The following MIPOL1 variants were observed in gnomAD, a reference collection of about 807,000 sequenced individuals.
MIPOL1 encodes the protein mirror-image polydactyly gene 1 protein.
A neutral mutation model predicts 60.9 loss-of-function variants in MIPOL1; 57 were observed. The observed-to-expected ratio is 0.94, with a 90% CI of 0.76 to 1.17. The LOEUF is 1.17. Among genes scored for constraint, MIPOL1 ranks in the 50% most tolerant of loss-of-function variants. MIPOL1 has a pLI of 0.00. For synonymous variants in MIPOL1, 179 were observed against 168.8 expected (o/e 1.06, Z -0.47); for missense variants, 551 against 511.6 (o/e 1.08, Z -0.74).
chr14:37,356,781 G>A (rs1011550970), intron 9 of MIPOL1, among the ~76,000 whole-genome samples: 4 of 152,120 alleles, frequency 2.6e-5, no homozygotes, highest in Non-Finnish European at 4.4e-5. Flanking sequence ...CACGGTGCGC[G>A]AACCCACTGA....
intron 11 of MIPOL1, among the ~76,000 whole-genome samples, chr14:37,446,139 C>G (rs149274731): frequency 0.058 from 8,813 of 152,140 alleles, 894 homozygotes; most frequent in African/African-American, 0.2. Context: ...AACAGGCAAC[C>G]TACAAAATGG....
At chr14:37,455,250 TTC>T (rs772134984) in intron 11 of MIPOL1, among the ~76,000 whole-genome samples, 5 of 152,224 alleles carry the variant, frequency 3.3e-5, no homozygotes, top group Non-Finnish European at 7.3e-5. Flanking sequence ...TGAATATGTT[TTC>T]TCTTTTAATC....
At chr14:37,401,415 A>G (rs1451925927) in intron 10 of MIPOL1, 1 of 152,088 alleles carries the variant, frequency 6.6e-6, no homozygotes, top group African/African-American at 2.4e-5. Flanking sequence ...ATATCTGTAC[A>G]CTAATGGTGA....
chr14:37,284,176 C>G (rs2084356763), intron 6 of MIPOL1, among the ~76,000 whole-genome samples: 1 of 152,028 alleles, frequency 6.6e-6, no homozygotes, highest in African/African-American at 2.4e-5. Context: ...ATCAACAGTG[C>G]CCCCTGCTCT....
At chr14:37,272,749 A>G (rs2083383707) in intron 6 of MIPOL1, among the ~76,000 whole-genome samples, 1 of 151,612 alleles carries the variant, frequency 6.6e-6, no homozygotes, top group Admixed American at 6.6e-5. Flanking sequence ...TTTGAAATAA[A>G]AAGTGTATTT....
intron 10 of MIPOL1, among the ~76,000 whole-genome samples, chr14:37,420,071 T>TA (rs1396355410): frequency 1.3e-5 from 2 of 151,592 alleles, no homozygotes; most frequent in African/African-American, 4.9e-5. Flanking sequence ...ATTTTTTTTT[T>TA]ATGTGACGCA....
At chr14:37,312,980 TA>T (rs2087497056) in intron 9 of MIPOL1, among the ~76,000 whole-genome samples, 1 of 152,172 alleles carries the variant, frequency 6.6e-6, no homozygotes, top group Non-Finnish European at 1.5e-5. Flanking sequence ...TATAGAATTA[TA>T]GAATTTTAAA....
chr14:37,524,565 C>CTTTTTTTT (rs1173993657), intron 12 of MIPOL1, among the ~76,000 whole-genome samples: 12 of 124,820 alleles, frequency 9.6e-5, no homozygotes, highest in African/African-American at 3.7e-4. Context: ...TTTTCTTTTT[C>CTTTTTTTT]TTTTCTTTTT....
chr14:37,446,274 G>A (rs1015503207), intron 11 of MIPOL1, among the ~76,000 whole-genome samples: 14 of 152,254 alleles, frequency 9.2e-5, no homozygotes, highest in African/African-American at 2.2e-4. Flanking sequence ...GATATGAACA[G>A]ACACTTCTCA....
At chr14:37,358,827 CTTTAG>C (rs1331595818) in intron 9 of MIPOL1, among the ~76,000 whole-genome samples, 2 of 152,264 alleles carry the variant, frequency 1.3e-5, no homozygotes, top group East Asian at 3.9e-4. Context: ...TGCAGAAGCT[CTTTAG>C]TTTAATCAGA....
intron 10 of MIPOL1, among the ~76,000 whole-genome samples, chr14:37,421,178 T>C (rs942726142): frequency 6.6e-6 from 1 of 152,178 alleles, no homozygotes; most frequent in Non-Finnish European, 1.5e-5. Context: ...AAAAACTACA[T>C]TTCAGTGTTT....
At chr14:37,459,756 A>T (rs1320680335) in intron 11 of MIPOL1, among the ~76,000 whole-genome samples, 1 of 152,132 alleles carries the variant, frequency 6.6e-6, no homozygotes, top group African/African-American at 2.4e-5. Flanking sequence ...AAAAGCATAG[A>T]TGTAAAAATC....
At chr14:37,482,060 G>GA in intron 11 of MIPOL1, among the ~76,000 whole-genome samples, 1 of 151,616 alleles carries the variant, frequency 6.6e-6, no homozygotes, top group East Asian at 1.9e-4. Context: ...GGCAACAAAA[G>GA]AAAAAAATAG....
chr14:37,406,016 A>G (rs900967463), intron 10 of MIPOL1, among the ~76,000 whole-genome samples: 2 of 151,212 alleles, frequency 1.3e-5, no homozygotes, highest in African/African-American at 2.4e-5. Flanking sequence ...ATGTGTTTGT[A>G]TTAATTAAAG....
intron 11 of MIPOL1, among the ~76,000 whole-genome samples, chr14:37,467,284 A>G (rs1955934): frequency 0.74 from 111,884 of 152,146 alleles, 41,308 homozygotes; most frequent in East Asian, 0.85. Context: ...GAAAAATATA[A>G]TGAAATAAAT....
rs542169839 is a variant in MIPOL1, at chr14:37,241,361, T to A, written c.-198-5742T>A. The stretch of plus-strand genomic sequence containing the variant: ...ATGTTAATCTCATCCAGAAACAACC[T>A]CACAGACACACCTAGAATAATGCTT... On this transcript the variant is annotated intron_variant, in intron 1 of 12. Coordinates refer to ENST00000684589, the MANE Select transcript of MIPOL1 (RefSeq NM_001388067.1). 4.6e-5 allele frequency among the ~76,000 whole-genome samples: 7 copies of A among 152,124 alleles called. No individual in the cohort carries two copies. In the East Asian group the frequency reaches 1.4e-3, roughly 29 times the overall value.
chr14:37,499,093 A>T (rs1566722825), intron 11 of MIPOL1, among the ~76,000 whole-genome samples: 1 of 152,088 alleles, frequency 6.6e-6, no homozygotes, highest in Non-Finnish European at 1.5e-5. Context: ...GTGGAGTTTA[A>T]ATTTCTCTTA....
chr14:37,341,660 G>A (rs1012416492), intron 9 of MIPOL1, among the ~76,000 whole-genome samples: 3 of 152,124 alleles, frequency 2.0e-5, no homozygotes, highest in African/African-American at 7.2e-5. Context: ...GCCCAAGCTG[G>A]TTTTGGATAC....
intron 3 of MIPOL1, among the ~76,000 whole-genome samples, chr14:37,258,251 A>G (rs1594772346): frequency 2.0e-5 from 3 of 152,244 alleles, no homozygotes; most frequent in East Asian, 1.9e-4. Context: ...TTATTATTGG[A>G]AAATTTATCT....
Sources: gnomAD v4.1 joint callset for allele counts (sites outside exome capture counted in the v4.1 genomes callset) on GRCh38, gnomAD v4.1.1 for gene constraint, MANE v1.5 for transcripts, NCBI Gene and HGNC (gene_info 2026-07-23, HGNC 2026-07-21) for gene names.